The following PCCB variants were observed in gnomAD, a reference collection of about 807,000 sequenced individuals.
PCCB encodes the protein propionyl-CoA carboxylase subunit beta, also known as propionyl-CoA carboxylase beta chain, mitochondrial.
A neutral mutation model predicts 60.7 loss-of-function variants in PCCB; 43 were observed. The ratio of observed to expected loss-of-function variants is 0.71; its 90% CI spans 0.55 to 0.91. The LOEUF (loss-of-function observed/expected upper bound fraction) is 0.91. Ranked by LOEUF, PCCB falls within the 40% of genes least tolerant of loss-of-function variation. PCCB has a pLI of 0.00. For synonymous variants in PCCB, 276 were observed against 255.9 expected (o/e 1.08, Z -0.75); for missense variants, 766 against 702.8 (o/e 1.09, Z -1.02).
intron 10 of PCCB, among the ~76,000 whole-genome samples, chr3:136,320,131 G>C (rs1190530267): frequency 6.6e-6 from 1 of 152,174 alleles, no homozygotes; most frequent in Non-Finnish European, 1.5e-5. Flanking sequence ...ATTGGGAAGT[G>C]TGTCTTCCAA....
chr3:136,299,810 G>GTA (rs1934154643), intron 8 of PCCB, among the ~76,000 whole-genome samples: 3 of 148,360 alleles, frequency 2.0e-5, no homozygotes, highest in Admixed American at 6.6e-5. Context: ...GTATGTATAG[G>GTA]TATGCATGTG....
At chr3:136,252,576 G>A (rs1941547453) in intron 1 of PCCB, among the ~76,000 whole-genome samples, 1 of 151,128 alleles carries the variant, frequency 6.6e-6, no homozygotes, top group African/African-American at 2.4e-5. Flanking sequence ...CACCCAGGCT[G>A]GAGGGCAGTG....
chr3:136,300,803 C>T (rs1289872432), intron 8 of PCCB, among the ~76,000 whole-genome samples: 2 of 152,018 alleles, frequency 1.3e-5, no homozygotes, highest in East Asian at 1.9e-4. Flanking sequence ...CTCATTTTTT[C>T]CTCTAAAAGA....
intron 9 of PCCB, among the ~76,000 whole-genome samples, chr3:136,312,052 C>G (rs1934688388): frequency 6.6e-6 from 1 of 152,188 alleles, no homozygotes; most frequent in Non-Finnish European, 1.5e-5. Context: ...ATTACAGCAT[C>G]CTATAGTTAA....
chr3:136,327,810 ATGT>A lies in PCCB; in HGVS notation c.1398+81_1398+83del, dbSNP rs930008856. On this transcript the variant is annotated intron_variant, in intron 13 of 14. Transcript: ENST00000251654. ...CGAGAGCTCAAGGCATAGCTGGGAA[ATGT>A]TGGAGAGAGGCCAGGGCCCCTAGGT... is the stretch of plus-strand genomic sequence containing the variant. 7 of 1,202,046 alleles carry A rather than the reference ATGT, an allele frequency of 5.8e-6. No individual in the cohort carries two copies. The African/African-American group carries it at 1.0e-4, about 18-fold the overall frequency. 74.5% of individuals were successfully genotyped at this position (1,202,046 alleles called of 1,614,324 possible).
intron 5 of PCCB, among the ~76,000 whole-genome samples, chr3:136,268,282 A>C (rs1268097759): frequency 2.6e-5 from 4 of 151,292 alleles, no homozygotes; most frequent in South Asian, 2.1e-4. Flanking sequence ...TGACATAACT[A>C]TTCTTTCCCC....
intron 6 of PCCB, among the ~76,000 whole-genome samples, chr3:136,284,204 G>A (rs1268030309): frequency 1.3e-5 from 2 of 152,128 alleles, no homozygotes; most frequent in Non-Finnish European, 2.9e-5. Context: ...ATGATTTTCA[G>A]GTAATCAAAG....
intron 6 of PCCB, among the ~76,000 whole-genome samples, 186 bp from the exon 7 acceptor site, chr3:136,293,570 A>G (rs889285158): frequency 2.0e-5 from 3 of 152,208 alleles, no homozygotes; most frequent in African/African-American, 7.2e-5. Flanking sequence ...GAAATTTTTT[A>G]AAAAAGACAA....
Position 136,261,994 on chromosome 3 carries a change from C to T in PCCB, c.472C>T (p.Leu158=). 6.4e-7 allele frequency: 1 copy of T among 1,561,994 alleles called. No individual in the cohort carries two copies. Among genetic ancestry groups the T allele is most frequent in the East Asian group, 2.3e-5 (1 of 42,598 alleles). ...AACGGTGGGGGCTCCAGTGATTGGG[C>T]TGAATGACTCTGGGGGAGCACGGAT... ...AITVGAPVIG[L]NDSGGARIQE... The change falls in exon 5 of 15, where the codon CTG becomes TTG. Residue 158 remains leucine, a synonymous_variant. Transcript: ENST00000251654.
At chr3:136,308,486 G>A (rs530090949) in intron 9 of PCCB, among the ~76,000 whole-genome samples, 1 of 152,156 alleles carries the variant, frequency 6.6e-6, no homozygotes, top group South Asian at 2.1e-4. Context: ...ACAGACTTAG[G>A]TAGAAAGACT....
Position 136,302,420 on chromosome 3 carries a change from A to G in PCCB, c.966+1309A>G, listed in dbSNP as rs1283279612. 1.6e-5 allele frequency among the ~76,000 whole-genome samples: 2 copies of G among 121,270 alleles called. 1 individual carries two copies. Among genetic ancestry groups the G allele is most frequent in the Admixed American group, 2.0e-4 (2 of 10,112 alleles). 79.6% of individuals were successfully genotyped at this position (121,270 alleles called of 152,430 possible). On this transcript the variant is annotated intron_variant, in intron 9 of 14. Transcript: ENST00000251654. ...GATTCCTGGTGCTTCCTACTCTGCCATCTTCTAACTTTTTCTTAAGGTACA... is the reference window on the plus strand; with the variant it reads ...GATTCCTGGTGCTTCCTACTCTGCCGTCTTCTAACTTTTTCTTAAGGTACA...
At chr3:136,299,642 A>G (rs1415540846) in intron 8 of PCCB, among the ~76,000 whole-genome samples, 1 of 114,260 alleles carries the variant, frequency 8.8e-6, no homozygotes, top group Non-Finnish European at 1.8e-5. Flanking sequence ...ATGTGTATGT[A>G]TGTATATGCA....
At chr3:136,256,724 G>A (rs1385821129) in intron 3 of PCCB, 101 bp downstream of exon 3, 1 of 846,368 alleles carries the variant, frequency 1.2e-6, no homozygotes, top group African/African-American at 1.7e-5. Context: ...CTTGCTTGTA[G>A]TTTGGGGAAA....
chr3:136,327,939 C>T (rs1935390694), intron 13 of PCCB, among the ~76,000 whole-genome samples: 1 of 152,104 alleles, frequency 6.6e-6, no homozygotes, highest in Non-Finnish European at 1.5e-5. Context: ...TTCTTCAGGC[C>T]CACGCTGGTG....
chr3:136,323,637 G>T (rs560076446), intron 10 of PCCB, among the ~76,000 whole-genome samples: 1 of 152,062 alleles, frequency 6.6e-6, no homozygotes, highest in Admixed American at 6.6e-5. Context: ...TACAAAAAAT[G>T]AGCCGGACGT....
intron 2 of PCCB, 138 bp downstream of exon 2, chr3:136,256,113 T>A: frequency 7.5e-7 from 1 of 1,339,726 alleles, no homozygotes; most frequent in Non-Finnish European, 1.0e-6. Context: ...CAGATAATTT[T>A]TGTATTTTTA....
chr3:136,268,849 C>T (rs1039862159), intron 5 of PCCB, among the ~76,000 whole-genome samples: 1 of 152,170 alleles, frequency 6.6e-6, no homozygotes, highest in Non-Finnish European at 1.5e-5. Flanking sequence ...TGAGAATTTA[C>T]ATCCTAACAT....
chr3:136,268,818 T>G (rs1182413550), intron 5 of PCCB, among the ~76,000 whole-genome samples: 1 of 152,188 alleles, frequency 6.6e-6, no homozygotes, highest in East Asian at 1.9e-4. Context: ...GGAACTGCAT[T>G]GAGTCTGTAG....
rs367780967 is a variant in PCCB, at chr3:136,275,969, G to A, written c.544-7868G>A. ...TATTTTTAGTAGAGACGGGGTTTCA[G>A]GATGTTGGCCAGGCTGGTCACAAAC... On this transcript the variant is annotated intron_variant, in intron 5 of 14. Transcript: ENST00000251654. Among the ~76,000 whole-genome samples the A allele has an allele frequency of 6.6e-4, 101 of 152,086 alleles. 1 individual carries two copies. The South Asian group carries it at 0.02, about 31-fold the overall frequency.
Sources: allele counts gnomAD v4.1 joint callset (sites outside exome capture counted in the v4.1 genomes callset), GRCh38; gene constraint gnomAD v4.1.1; transcripts MANE v1.5; gene names NCBI Gene and HGNC (gene_info 2026-07-23, HGNC 2026-07-21).